Variants in MICU1 observed in about 807,000 individuals in gnomAD.
MICU1 encodes the protein calcium uptake protein 1, mitochondrial.
A neutral mutation model predicts 56.8 loss-of-function variants in MICU1; 45 were observed. The ratio of observed to expected loss-of-function variants is 0.79; its 90% confidence interval spans 0.62 to 1.02. The LOEUF is 1.02. Among genes scored for constraint, MICU1 ranks in the 50% least tolerant of loss-of-function variants. MICU1 has a pLI of 0.00. For synonymous variants in MICU1, 186 were observed against 195.1 expected (o/e 0.95, Z 0.39); for missense variants, 504 against 587.1 (o/e 0.86, Z 1.46).
intron 5 of MICU1, among the ~76,000 whole-genome samples, chr10:72,529,763 T>A (rs1284155920): frequency 6.6e-6 from 1 of 152,064 alleles, no homozygotes; most frequent in Admixed American, 6.6e-5. Context: ...AACAATAATG[T>A]AAAATAAAGC....
intron 1 of MICU1, among the ~76,000 whole-genome samples, chr10:72,612,641 A>T (rs1394270303): frequency 6.6e-6 from 1 of 152,122 alleles, no homozygotes; most frequent in African/African-American, 2.4e-5. Context: ...ACAAAAAACA[A>T]TTTTAAAAAA....
At chr10:72,476,271 C>T (rs1352612810) in intron 7 of MICU1, among the ~76,000 whole-genome samples, 1 of 148,116 alleles carries the variant, frequency 6.8e-6, no homozygotes, top group African/African-American at 2.5e-5. Context: ...GCCTGTCATA[C>T]AGGCTGGGGT....
At chr10:72,523,712 T>C in intron 5 of MICU1, 2 of 859,190 alleles carry the variant, frequency 2.3e-6, no homozygotes, top group South Asian at 6.3e-5. Context: ...CCACCAGAAA[T>C]GTGAGAGTAA....
intron 1 of MICU1, among the ~76,000 whole-genome samples, chr10:72,573,196 G>A (rs960140079): frequency 6.7e-6 from 1 of 150,162 alleles, no homozygotes; most frequent in South Asian, 2.1e-4. Context: ...TAGGCCAGCC[G>A]CAGTAGCTCA....
intron 10 of MICU1, among the ~76,000 whole-genome samples, chr10:72,403,537 T>C (rs146670062): frequency 1.3e-5 from 2 of 151,746 alleles, no homozygotes; most frequent in African/African-American, 4.8e-5. Context: ...TATTTGGAAG[T>C]TAAACAATAT....
intron 4 of MICU1, among the ~76,000 whole-genome samples, chr10:72,539,382 A>G (rs1407184152): frequency 6.6e-6 from 1 of 152,226 alleles, no homozygotes; most frequent in Non-Finnish European, 1.5e-5. Context: ...CTGAAACTGT[A>G]TCAAATATCT....
At chr10:72,391,936 CTCACTG>C (rs1863087328) in intron 10 of MICU1, 1 of 152,056 alleles carries the variant, frequency 6.6e-6, no homozygotes, top group Middle Eastern at 3.2e-3. Context: ...CAGCTAATCC[CTCACTG>C]TTCAAGGGTC....
At chr10:72,579,320 G>A (rs745932846) in intron 1 of MICU1, among the ~76,000 whole-genome samples, 32 of 152,084 alleles carry the variant, frequency 2.1e-4, no homozygotes, top group Non-Finnish European at 4.0e-4. Context: ...GGCCTGTTCC[G>A]CATAGACACA....
At position 72,425,005 on chromosome 10, in the gene MICU1, G is replaced by T. The variant is rs1480495052; in HGVS notation, c.934-1634C>A. Among the ~76,000 whole-genome samples, 7 of 152,240 alleles carry T rather than the reference G, an allele frequency of 4.6e-5. No individual in the cohort carries two copies. In the East Asian group the frequency reaches 1.3e-3, roughly 29 times the overall value. On this transcript the variant is annotated intron_variant, in intron 8 of 11. Transcript: ENST00000361114. ...TGATAAATTTTTGACAATACCAAAA[G>T]TTTTCAGGATTCAATTTAAGTGTGA...
At chr10:72,546,502 T>C (rs976634860) in intron 4 of MICU1, among the ~76,000 whole-genome samples, 5 of 152,202 alleles carry the variant, frequency 3.3e-5, no homozygotes, top group Admixed American at 3.3e-4. Context: ...TTTCTGTCCA[T>C]AAATCTTCCA....
chr10:72,392,401 T>A (rs1401150521), intron 10 of MICU1, among the ~76,000 whole-genome samples: 1 of 152,022 alleles, frequency 6.6e-6, no homozygotes, highest in Admixed American at 6.6e-5. Flanking sequence ...GAAACCCCCA[T>A]CTCTGTTAAA....
At chr10:72,584,277 A>T (rs1840984304) in intron 1 of MICU1, among the ~76,000 whole-genome samples, 1 of 152,190 alleles carries the variant, frequency 6.6e-6, no homozygotes, top group South Asian at 2.1e-4. Context: ...GTGAAGGAAG[A>T]AGTAGTAAAG....
At chr10:72,474,175 G>A (rs1228601378) in intron 8 of MICU1, among the ~76,000 whole-genome samples, 3 of 139,008 alleles carry the variant, frequency 2.2e-5, no homozygotes, top group African/African-American at 8.1e-5. Context: ...AGAATCGCTT[G>A]AACCTGGGAG....
Position 72,375,800 on chromosome 10 carries a change from G to A in MICU1, c.1253C>T (p.Ala418Val). Residue 418 changes from alanine to valine, a missense_variant, in exon 11 of 12, where the codon GCA becomes GTA. Transcript: ENST00000361114. ...CCACTCACCATCACAGTCAAAGAGT[G>A]CAAACACCACATCACACACGTGGTC... The part of the protein sequence containing the change: ...LSDHVCDVVF[A>V]LFDCDGNGEL... 1 of 1,613,078 alleles carries A rather than the reference G, an allele frequency of 6.2e-7. No homozygotes were observed. The highest frequency in any genetic ancestry group is 8.5e-7 in the Non-Finnish European group (1 of 1,179,574).
intron 3 of MICU1, among the ~76,000 whole-genome samples, chr10:72,556,837 G>C (rs1382395831): frequency 2.6e-5 from 4 of 151,972 alleles, no homozygotes; most frequent in Non-Finnish European, 5.9e-5. Context: ...AGGCAAGGTA[G>C]GTGGATCACC....
chr10:72,419,576 C>T (rs1289539351), intron 9 of MICU1, among the ~76,000 whole-genome samples: 3 of 152,186 alleles, frequency 2.0e-5, no homozygotes, highest in Non-Finnish European at 4.4e-5. Flanking sequence ...GGGTTTTCCA[C>T]CAAGTTAGGG....
chr10:72,602,104 T>C (rs1841554064), intron 1 of MICU1, among the ~76,000 whole-genome samples: 1 of 151,484 alleles, frequency 6.6e-6, no homozygotes, highest in Non-Finnish European at 1.5e-5. Flanking sequence ...GGAGTAATAT[T>C]TTAAATTTCT....
intron 4 of MICU1, among the ~76,000 whole-genome samples, chr10:72,544,994 C>T (rs1332535094): frequency 6.6e-6 from 1 of 152,082 alleles, no homozygotes; most frequent in East Asian, 1.9e-4. Flanking sequence ...TGTTGGGTAT[C>T]CTGGGATACA....
chr10:72,532,980 C>T, intron 5 of MICU1: 4 of 1,282,604 alleles, frequency 3.1e-6, no homozygotes, highest in Non-Finnish European at 4.1e-6. Context: ...TCTAGACCCT[C>T]TTTTGTGATC....
Sources: gnomAD v4.1 joint callset for allele counts (sites outside exome capture counted in the v4.1 genomes callset) on GRCh38, gnomAD v4.1.1 for gene constraint, MANE v1.5 for transcripts, NCBI Gene and HGNC (gene_info 2026-07-23, HGNC 2026-07-21) for gene names.